GRM7: variants seen among roughly 807,000 people sequenced by gnomAD.
GRM7 encodes metabotropic glutamate receptor 7.
GRM7 carries 35 observed loss-of-function variants against 84.5 expected under a neutral mutation model. That is an observed-to-expected ratio of 0.41 (90% CI 0.32 to 0.55). The LOEUF (loss-of-function observed/expected upper bound fraction) is 0.55, where lower values mean the gene tolerates loss of function less well. Among genes scored for constraint, GRM7 ranks in the 20% least tolerant of loss-of-function variants. The pLI is 0.19. For synonymous variants in GRM7, 487 were observed against 455.1 expected, an observed-to-expected ratio of 1.07 and a Z score of -0.89; for missense variants, 1,003 against 1,194.6, an observed-to-expected ratio of 0.84 and a Z score of 2.36.
At chr3:6,879,470 ACTTATTTTG>A (rs1695430113) in intron 1 of GRM7, among the ~76,000 whole-genome samples, 1 of 152,190 alleles carries the variant, frequency 6.6e-6, no homozygotes, top group East Asian at 1.9e-4. Context: ...GTTCTGTTTT[ACTTATTTTG>A]CTTAATCATT....
intron 1 of GRM7, among the ~76,000 whole-genome samples, chr3:7,023,464 G>C (rs927349451): frequency 6.6e-6 from 1 of 152,012 alleles, no homozygotes; most frequent in African/African-American, 2.4e-5. Flanking sequence ...GCCTTGTGTT[G>C]GGGCATCATT....
chr3:6,983,450 T>C (rs1293436072), intron 1 of GRM7, among the ~76,000 whole-genome samples: 2 of 152,126 alleles, frequency 1.3e-5, no homozygotes, highest in Non-Finnish European at 2.9e-5. Context: ...AGGGTCACTA[T>C]CCTTAATGAT....
At chr3:7,680,012 T>G (rs1167713039) in intron 8 of GRM7, 37 bp from the exon 9 acceptor site, 4 of 1,608,300 alleles carry the variant, frequency 2.5e-6, no homozygotes, top group East Asian at 4.5e-5. Context: ...TGCAGTCATT[T>G]TATTTGTAAT....
intron 4 of GRM7, among the ~76,000 whole-genome samples, chr3:7,318,274 A>C (rs868494252): frequency 1.2e-4 from 18 of 152,038 alleles, no homozygotes; most frequent in Middle Eastern, 6.4e-3. Context: ...AACTTGGTGC[A>C]TCACTGGGGA....
intron 1 of GRM7, among the ~76,000 whole-genome samples, chr3:7,135,898 G>T (rs1017003133): frequency 2.6e-5 from 4 of 151,936 alleles, no homozygotes; most frequent in African/African-American, 9.7e-5. Context: ...TGGAAATTTG[G>T]ATTTTTAAAC....
At chr3:7,729,640 T>C (rs1485081994) in intron 9 of GRM7, among the ~76,000 whole-genome samples, 3 of 152,228 alleles carry the variant, frequency 2.0e-5, no homozygotes, top group Non-Finnish European at 4.4e-5. Flanking sequence ...CAGTATTCAG[T>C]AATTCAGTGT....
At chr3:7,074,346 T>C (rs1697989537) in intron 1 of GRM7, among the ~76,000 whole-genome samples, 1 of 152,076 alleles carries the variant, frequency 6.6e-6, no homozygotes, top group South Asian at 2.1e-4. Flanking sequence ...CCATAAGATG[T>C]GGCAAGCTTA....
At chr3:7,658,348 G>A (rs1699291089) in intron 8 of GRM7, among the ~76,000 whole-genome samples, 2 of 152,196 alleles carry the variant, frequency 1.3e-5, no homozygotes, top group African/African-American at 2.4e-5. Context: ...ATAGATGATT[G>A]CGTGAAACTT....
chr3:7,499,911 A>G (rs1276972241), intron 7 of GRM7, among the ~76,000 whole-genome samples: 1 of 151,976 alleles, frequency 6.6e-6, no homozygotes, highest in Non-Finnish European at 1.5e-5. Flanking sequence ...AATAGCTGGG[A>G]CTACAGGTGC....
At chr3:6,965,551 T>C (rs1044321342) in intron 1 of GRM7, among the ~76,000 whole-genome samples, 1 of 151,920 alleles carries the variant, frequency 6.6e-6, no homozygotes, top group Non-Finnish European at 1.5e-5. Context: ...CCCAGGCTGG[T>C]CTTGCATTTC....
intron 2 of GRM7, among the ~76,000 whole-genome samples, chr3:7,291,450 C>T (rs930738760): frequency 1.3e-5 from 2 of 149,098 alleles, no homozygotes; most frequent in African/African-American, 2.5e-5. Context: ...ATAGTGCAGA[C>T]ATCACAGTAC....
At chr3:7,723,476 C>T (rs988205591) in intron 9 of GRM7, among the ~76,000 whole-genome samples, 1 of 152,122 alleles carries the variant, frequency 6.6e-6, no homozygotes, top group African/African-American at 2.4e-5. Flanking sequence ...ACAGTGTGTG[C>T]AGGTCCACTA....
chr3:6,908,481 A>C (rs1696657292), intron 1 of GRM7, among the ~76,000 whole-genome samples: 1 of 152,170 alleles, frequency 6.6e-6, no homozygotes, highest in South Asian at 2.1e-4. Flanking sequence ...CAGATGAAAA[A>C]ACTGAGGTTC....
At chr3:7,098,386 C>G (rs1430091831) in intron 1 of GRM7, among the ~76,000 whole-genome samples, 1 of 151,934 alleles carries the variant, frequency 6.6e-6, no homozygotes, top group East Asian at 1.9e-4. Flanking sequence ...AATTATATGA[C>G]ACAATTCCAT....
chr3:7,552,859 T>A (rs1693555697), intron 7 of GRM7, among the ~76,000 whole-genome samples: 1 of 152,238 alleles, frequency 6.6e-6, no homozygotes, highest in African/African-American at 2.4e-5. Context: ...ATTTTCCACA[T>A]TGTCTTGGTG....
intron 2 of GRM7, among the ~76,000 whole-genome samples, chr3:7,229,555 G>A (rs1180901399): frequency 6.6e-6 from 1 of 150,750 alleles, no homozygotes; most frequent in Non-Finnish European, 1.5e-5. Context: ...TTGTTTAGAA[G>A]GCTCAACAGG....
Position 6,980,319 on chromosome 3 carries a change from G to T in GRM7, c.519+118412G>T, listed in dbSNP as rs559615826. 5.3e-5 allele frequency among the ~76,000 whole-genome samples: 8 copies of T among 152,166 alleles called. No individual in the cohort carries two copies. In the South Asian group the frequency reaches 1.7e-3, roughly 32 times the overall value. ...TTTACAGAATTTGCTGAAAACTGTT[G>T]ATCTTCTCTCCAAAAAATGTACTTA... On this transcript the variant is annotated intron_variant, in intron 1 of 9. Transcript: ENST00000357716.
At chr3:7,183,333 A>G (rs1695406409) in intron 2 of GRM7, among the ~76,000 whole-genome samples, 1 of 152,168 alleles carries the variant, frequency 6.6e-6, no homozygotes, top group Admixed American at 6.5e-5. Context: ...ATAAGGATAG[A>G]AAAAATAATG....
intron 4 of GRM7, among the ~76,000 whole-genome samples, chr3:7,372,803 CAG>C (rs911446074): frequency 8.6e-5 from 13 of 151,820 alleles, no homozygotes; most frequent in East Asian, 1.9e-4. Context: ...GTGTATGTGA[CAG>C]GGGTGTGTCA....
Sources: allele counts gnomAD v4.1 joint callset (sites outside exome capture counted in the v4.1 genomes callset), GRCh38; gene constraint gnomAD v4.1.1; transcripts MANE v1.5; gene names NCBI Gene and HGNC (gene_info 2026-07-23, HGNC 2026-07-21).